The following EIF2B3 variants were observed in gnomAD, a reference collection of about 807,000 sequenced individuals.
EIF2B3 encodes translation initiation factor eIF2B subunit gamma.
EIF2B3 carries 20 observed loss-of-function variants against 54.1 expected under a neutral mutation model. The ratio of observed to expected loss-of-function variants is 0.37; its 90% CI spans 0.26 to 0.54. EIF2B3 has a LOEUF of 0.54. Among genes scored for constraint, EIF2B3 ranks in the 20% least tolerant of loss-of-function variants. EIF2B3 has a pLI of 0.86. For synonymous variants in EIF2B3, 153 were observed against 188.1 expected, an observed-to-expected ratio of 0.81 and a Z score of 1.52; for missense variants, 448 against 547.8, an observed-to-expected ratio of 0.82 and a Z score of 1.82.
At chr1:44,882,928 CTTTTTTTTTTT>C (rs1003449669) in intron 6 of EIF2B3, among the ~76,000 whole-genome samples, 2 of 114,456 alleles carry the variant, frequency 1.7e-5, no homozygotes. Flanking sequence ...TTTTCTTTTT[CTTTTTTTTTTT>C]TTTTTTTTGA....
At chr1:44,952,468 A>C (rs1232064184) in intron 3 of EIF2B3, among the ~76,000 whole-genome samples, 2 of 152,142 alleles carry the variant, frequency 1.3e-5, no homozygotes, top group African/African-American at 4.8e-5. Context: ...AGAAGCAGCA[A>C]ACATCTTTCT....
chr1:44,923,256 T>C (rs574442051), intron 5 of EIF2B3, among the ~76,000 whole-genome samples: 1 of 152,370 alleles, frequency 6.6e-6, no homozygotes, highest in East Asian at 1.9e-4. Flanking sequence ...TCCAGTACTA[T>C]GCTGGGTAAC....
chr1:44,922,988 G>C (rs1643783259), intron 5 of EIF2B3, among the ~76,000 whole-genome samples: 1 of 151,678 alleles, frequency 6.6e-6, no homozygotes, highest in South Asian at 2.1e-4. Flanking sequence ...TGGGACTACA[G>C]GCACATACCA....
At chr1:44,856,191 G>A (rs1337450308) in intron 11 of EIF2B3, among the ~76,000 whole-genome samples, 1 of 152,078 alleles carries the variant, frequency 6.6e-6, no homozygotes, top group Non-Finnish European at 1.5e-5. Flanking sequence ...AATTCTCCAA[G>A]GTAGCTATTA....
At position 44,919,883 on chromosome 1, in the gene EIF2B3, C is replaced by CTTTTTTTTTTTT. The variant is rs1194645004; in HGVS notation, c.566+6733_566+6744dup. ...ACGCATGCGACAACATGCCTGGCTA[C>CTTTTTTTTTTTT]TTTTTTTTTTTTTTTTTTAGTAGAT... On this transcript the variant is annotated intron_variant, in intron 5 of 11. Transcript: ENST00000360403. Among the ~76,000 whole-genome samples, 1,123 of 116,948 alleles carry CTTTTTTTTTTTT rather than the reference C, an allele frequency of 9.6e-3. 39 individuals carry two copies. The highest frequency in any genetic ancestry group is 0.029 in the African/African-American group (955 of 32,794). 76.7% of individuals were successfully genotyped at this position (116,948 alleles called of 152,430 possible).
At chr1:44,926,566 G>T in intron 5 of EIF2B3, 62 bp downstream of exon 5, 1 of 1,295,524 alleles carries the variant, frequency 7.7e-7, no homozygotes, top group Non-Finnish European at 1.1e-6. Flanking sequence ...CCCATCCACT[G>T]GGTGGTTTTA....
chr1:44,903,074 G>A (rs1010066008), intron 5 of EIF2B3, among the ~76,000 whole-genome samples: 3 of 152,094 alleles, frequency 2.0e-5, no homozygotes, highest in South Asian at 2.1e-4. Context: ...GATTATGCAG[G>A]ACTGCATACT....
chr1:44,874,669 GAAACAT>G lies in EIF2B3; in HGVS notation c.1202+3_1202+8del. The G allele has an allele frequency of 6.2e-7, 1 of 1,614,006 alleles. No individual in the cohort carries two copies. Among genetic ancestry groups the G allele is most frequent in the Non-Finnish European group, 8.5e-7 (1 of 1,179,958 alleles). On this transcript the variant is annotated splice_donor_5th_base_variant and intron_variant, in intron 10 of 11. Coordinates refer to ENST00000360403, the MANE Select transcript of EIF2B3 (RefSeq NM_020365.5). ...TCTTTGCCTCAAGTGGGTACAGGGG[GAAACAT>G]ACCCTTCCTCCACAGTGACTGAGTT... is the stretch of plus-strand genomic sequence containing the variant.
intron 4 of EIF2B3, among the ~76,000 whole-genome samples, chr1:44,940,955 C>T (rs975350791): frequency 1.7e-4 from 26 of 151,146 alleles, no homozygotes; most frequent in African/African-American, 5.8e-4. Flanking sequence ...GGCGTGATCT[C>T]GGCTCACTGC....
chr1:44,854,574 G>C (rs887509351), intron 11 of EIF2B3, among the ~76,000 whole-genome samples: 2 of 149,510 alleles, frequency 1.3e-5, no homozygotes, highest in African/African-American at 5.0e-5. Flanking sequence ...ATTTGGAGAG[G>C]AGACTGCATT....
At chr1:44,968,154 A>T (rs960075973) in intron 3 of EIF2B3, among the ~76,000 whole-genome samples, 1 of 152,114 alleles carries the variant, frequency 6.6e-6, no homozygotes, top group Non-Finnish European at 1.5e-5. Flanking sequence ...ATTTGAGTCC[A>T]GGAGTGTGAG....
At chr1:44,982,764 CT>C (rs34092748) in intron 1 of EIF2B3, among the ~76,000 whole-genome samples, 218 of 138,628 alleles carry the variant, frequency 1.6e-3, no homozygotes, top group Middle Eastern at 3.8e-3. Flanking sequence ...CCATGCCTGG[CT>C]TTTTTTTTTT....
At chr1:44,869,470 T>C (rs1316137201) in intron 10 of EIF2B3, among the ~76,000 whole-genome samples, 1 of 147,904 alleles carries the variant, frequency 6.8e-6, no homozygotes, top group African/African-American at 2.5e-5. Context: ...AGAGTGAGAC[T>C]ATCTCGGAAA....
chr1:44,957,414 A>T (rs1644237340), intron 3 of EIF2B3, among the ~76,000 whole-genome samples: 1 of 152,254 alleles, frequency 6.6e-6, no homozygotes, highest in Non-Finnish European at 1.5e-5. Flanking sequence ...ACAAAGAAAG[A>T]TCATAATGTA....
intron 6 of EIF2B3, among the ~76,000 whole-genome samples, chr1:44,889,918 G>GA (rs1228646183): frequency 1.3e-5 from 2 of 152,154 alleles, no homozygotes; most frequent in Non-Finnish European, 2.9e-5. Flanking sequence ...CCTGTTCTGG[G>GA]AAAAAACTCT....
At chr1:44,913,844 T>TTTTTG (rs1569704480) in intron 5 of EIF2B3, among the ~76,000 whole-genome samples, 11 of 145,768 alleles carry the variant, frequency 7.5e-5, no homozygotes, top group African/African-American at 1.8e-4. Context: ...TTTTTTTTTT[T>TTTTTG]AGATGGAGTT....
chr1:44,855,832 C>T (rs1476711876), intron 11 of EIF2B3, among the ~76,000 whole-genome samples: 1 of 152,162 alleles, frequency 6.6e-6, no homozygotes, highest in African/African-American at 2.4e-5. Flanking sequence ...GCTAGGATTA[C>T]AGGTGTGAGC....
chr1:44,904,841 C>G (rs1643384439), intron 5 of EIF2B3, among the ~76,000 whole-genome samples: 1 of 152,144 alleles, frequency 6.6e-6, no homozygotes, highest in African/African-American at 2.4e-5. Context: ...CATATTCCAA[C>G]AAAGAAGCAT....
chr1:44,951,382 A>G (rs574295814), intron 3 of EIF2B3, among the ~76,000 whole-genome samples: 5 of 152,334 alleles, frequency 3.3e-5, no homozygotes, highest in Admixed American at 2.6e-4. Context: ...CTCTGGCTCC[A>G]GCAATTCTGA....
Sources: gnomAD v4.1 joint callset for allele counts (sites outside exome capture counted in the v4.1 genomes callset) on GRCh38, gnomAD v4.1.1 for gene constraint, MANE v1.5 for transcripts, NCBI Gene and HGNC (gene_info 2026-07-23, HGNC 2026-07-21) for gene names.